Variants in TPCN1 observed in about 807,000 individuals in gnomAD.
The protein encoded by TPCN1 is two pore channel protein 1.
A neutral mutation model predicts 108.8 loss-of-function variants in TPCN1; 52 were observed. That is an observed-to-expected ratio of 0.48 (90% confidence interval 0.38 to 0.60). The LOEUF is 0.60. Among genes scored for constraint, TPCN1 ranks in the 20% least tolerant of loss-of-function variants. TPCN1 has a pLI of 0.00. For synonymous variants in TPCN1, 446 were observed against 433.7 expected, an observed-to-expected ratio of 1.03 and a Z score of -0.35; for missense variants, 806 against 1,072.8, an observed-to-expected ratio of 0.75 and a Z score of 3.47.
At position 113,266,088 on chromosome 12, in the gene TPCN1, TG is replaced by T; in HGVS notation, c.238-88del. ...TGGCCTGAATCTCTCCTCGCCTGCC[TG>T]GGGCCTTCCTTTCCTCCCCTGCCCG... On this transcript the variant is annotated intron_variant, in intron 3 of 27. Transcript: ENST00000335509. This position sits in a 1 kb window ranked among gnomAD's most constrained non-coding sequence, Gnocchi z 4.2. The T allele has an allele frequency of 7.2e-7, 1 of 1,396,802 alleles. No individual in the cohort carries two copies. Among genetic ancestry groups the T allele is most frequent in the Non-Finnish European group, 9.9e-7 (1 of 1,005,290 alleles). 86.5% of individuals were successfully genotyped at this position (1,396,802 alleles called of 1,614,324 possible).
Position 113,278,774 on chromosome 12 carries a change from C to T in TPCN1, c.1236C>T (p.Ala412=), listed in dbSNP as rs150353917. The T allele has an allele frequency of 5.1e-4, 819 of 1,613,888 alleles. 1 individual carries two copies. The highest frequency in any genetic ancestry group is 7.5e-4 in the Admixed American group (45 of 60,006). The change falls in exon 14 of 28, where the codon GCC becomes GCT. Residue 412 remains alanine, a splice_region_variant and synonymous_variant. Transcript: ENST00000335509. ...CTCTTGGTCCTGTTGTCTACCAGGC[C>T]AAGAAAAACAGAGAGCACTGGTTTG... ...IYEVAALKWK[A]KKNREHWFDE...
At position 113,288,530 on chromosome 12, in the gene TPCN1, A is replaced by C. The variant is rs1956165567; in HGVS notation, c.1707-228A>C. 6.7e-7 allele frequency: 1 copy of C among 1,487,610 alleles called. No homozygotes were observed. The highest frequency in any genetic ancestry group is 1.4e-5 in the African/African-American group (1 of 71,604). 92.2% of individuals were successfully genotyped at this position (1,487,610 alleles called of 1,614,324 possible). A position where few individuals can be genotyped will look rare whatever the true frequency, so the allele number is the denominator to read the frequency against. On this transcript the variant is annotated intron_variant, in intron 20 of 27. Coordinates refer to ENST00000335509, the MANE Select transcript of TPCN1 (RefSeq NM_017901.6). The surrounding 1 kb of genome is among the most constrained non-coding windows in gnomAD (Gnocchi z 4.8). ...ACCTGTGAGTCTACCTTCACAGGTAAGGGGTGAATCTCTGGGAAAGGGGCA... is the reference window on the plus strand; with the variant it reads ...ACCTGTGAGTCTACCTTCACAGGTACGGGGTGAATCTCTGGGAAAGGGGCA...
intron 2 of TPCN1, among the ~76,000 whole-genome samples, chr12:113,229,623 GGATTACAGGCGT>G (rs1225650501): frequency 1.3e-5 from 2 of 152,176 alleles, no homozygotes; most frequent in African/African-American, 4.8e-5. Flanking sequence ...CAAGTAGCTG[GGATTACAGGCGT>G]GAGCCACTAC....
chr12:113,297,492 AG>A lies in TPCN1; in HGVS notation c.*1419del, dbSNP rs1956466671. ...TCCTCTTCCCAGCCACAGAACGGGC[AG>A]GGTGGCACCCGACCCCAGGGGAGCA... On this transcript the variant is annotated 3_prime_UTR_variant, in exon 28 of 28. Transcript: ENST00000335509. The surrounding 1 kb of genome is among the most constrained non-coding windows in gnomAD (Gnocchi z 4.4). The A allele has an allele frequency of 6.5e-6, 1 of 152,674 alleles. No homozygotes were observed. The highest frequency in any genetic ancestry group is 2.4e-5 in the African/African-American group (1 of 41,416). The allele number at this position is 152,674 out of a possible 1,614,324, so 9.5% of individuals were successfully genotyped here. A position where few individuals can be genotyped will look rare whatever the true frequency, so the allele number is the denominator to read the frequency against.
In TPCN1 at chr12:113,268,790, C is replaced by A; in HGVS notation, c.577C>A (p.Arg193=). The A allele has an allele frequency of 6.2e-7, 1 of 1,614,042 alleles. No homozygotes were observed. The highest frequency in any genetic ancestry group is 1.7e-4 in the Middle Eastern group (1 of 6,010). ...QFVEAIVVLV[R]QMSHVRVTRA... is the part of the protein sequence containing the mutation. ...TGTCGAGGCCATCGTGGTGTTGGTA[C>A]GGCAGATGTCCCATGTGCGGGTGAC... The change falls in exon 6 of 28, where the codon CGG becomes AGG. Residue 193 remains arginine, a synonymous_variant. Transcript: ENST00000335509. This position sits in a 1 kb window ranked among gnomAD's most constrained non-coding sequence, Gnocchi z 7.3.
rs1954984915 is a variant in TPCN1, at chr12:113,260,405, C to G, written c.150C>G (p.Pro50=). The change falls in exon 3 of 28, where the codon CCC becomes CCG. Residue 50 remains proline (P), a synonymous_variant. Coordinates refer to ENST00000335509, the MANE Select transcript of TPCN1 (RefSeq NM_017901.6). The part of the protein sequence containing the change: ...GSYAIHDSQA[P]SLSSGGESSP... ...ATGCCATCCACGACTCCCAGGCCCC[C>G]AGTCTCAGCTCTGGGGGTGAGAGTT... 1 of 1,523,908 alleles carries G rather than the reference C, an allele frequency of 6.6e-7. No homozygotes were observed. The highest frequency in any genetic ancestry group is 1.4e-5 in the African/African-American group (1 of 68,970). The allele number at this position is 1,523,908 out of a possible 1,614,324, so 94.4% of individuals were successfully genotyped here.
chr12:113,287,768 C>T (rs955530220), intron 19 of TPCN1, among the ~76,000 whole-genome samples: 2 of 152,048 alleles, frequency 1.3e-5, no homozygotes, highest in Admixed American at 6.5e-5. Flanking sequence ...TGTCCGCCTC[C>T]GTCCCGCCCC....
In TPCN1 at chr12:113,295,959, G is replaced by A. The variant is rs750093073; in HGVS notation, c.2335-1G>A. The A allele has an allele frequency of 6.3e-7, 1 of 1,598,014 alleles. No homozygotes were observed. Among genetic ancestry groups the A allele is most frequent in the South Asian group, 1.1e-5 (1 of 89,518 alleles). ...AGCACCCCTTCTGCTCTCTTCTCCAGGAGTGGTATGAGGAGCATGCCAGGG... is the reference window on the plus strand; with the variant it reads ...AGCACCCCTTCTGCTCTCTTCTCCAAGAGTGGTATGAGGAGCATGCCAGGG... On this transcript the variant is annotated splice_acceptor_variant, in intron 27 of 27. Coordinates refer to ENST00000335509, the MANE Select transcript of TPCN1 (RefSeq NM_017901.6). LOFTEE classifies it high-confidence loss of function.
In TPCN1 at chr12:113,287,065, C is replaced by T. The variant is rs142475172; in HGVS notation, c.1605C>T (p.Ile535=). Residue 535 remains isoleucine (I), a synonymous_variant, in exon 19 of 28, where the codon ATC becomes ATT. Coordinates refer to ENST00000335509, the MANE Select transcript of TPCN1 (RefSeq NM_017901.6). Reference sequence around the variant, plus strand: ...TCAACATGGAGCCCTTCTATTTCATCGTGGTCCTGCGCCCCCTCCAGCTGC... The same window carrying T: ...TCAACATGGAGCCCTTCTATTTCATTGTGGTCCTGCGCCCCCTCCAGCTGC... The part of the protein sequence containing the change: ...LALNMEPFYF[I]VVLRPLQLLR... 2.4e-4 allele frequency: 391 copies of T among 1,613,762 alleles called. 2 individuals are homozygous for T. In the East Asian group the frequency reaches 7.8e-3, roughly 32 times the overall value.
intron 2 of TPCN1, among the ~76,000 whole-genome samples, chr12:113,241,188 G>T (rs947594421): frequency 5.3e-5 from 8 of 152,254 alleles, no homozygotes. Flanking sequence ...AGCAGTGCCT[G>T]GCCATTGACT....
chr12:113,286,231 T>G (rs1045179011), intron 18 of TPCN1, among the ~76,000 whole-genome samples: 4 of 152,102 alleles, frequency 2.6e-5, no homozygotes, highest in African/African-American at 9.7e-5. Flanking sequence ...TCTTCCTGAC[T>G]CATTAAACTT....
chr12:113,226,148 T>C (rs981930944), intron 1 of TPCN1, among the ~76,000 whole-genome samples: 1 of 151,904 alleles, frequency 6.6e-6, no homozygotes, highest in Non-Finnish European at 1.5e-5. Flanking sequence ...CTCAAATTCC[T>C]GGCCTTAATT....
Position 113,288,144 on chromosome 12 carries a change from G to GGGT in TPCN1, c.1635-17_1635-15dup. ...GCGTGCACCTGTGTGTGGAGGTGAC[G>GGGT]GGTGTCCTCCTCGCTCAGGTTGTTT... On this transcript the variant is annotated intron_variant, in intron 19 of 27. Transcript: ENST00000335509. This position sits in a 1 kb window ranked among gnomAD's most constrained non-coding sequence, Gnocchi z 4.8. 1 of 1,606,976 alleles carries GGGT rather than the reference G, an allele frequency of 6.2e-7. No individual in the cohort carries two copies. Among genetic ancestry groups the GGGT allele is most frequent in the Non-Finnish European group, 8.5e-7 (1 of 1,175,106 alleles).
chr12:113,292,857 G>T (rs1211425245), intron 25 of TPCN1, 77 bp from the exon 26 acceptor site: 2 of 1,532,224 alleles, frequency 1.3e-6, no homozygotes, highest in Admixed American at 3.7e-5. Context: ...GCGGAAGGGG[G>T]CAAGGAGGTA....
intron 25 of TPCN1, 133 bp from the exon 26 acceptor site, chr12:113,292,801 G>A (rs973502922): frequency 8.8e-6 from 9 of 1,019,942 alleles, no homozygotes; most frequent in South Asian, 4.9e-5. Context: ...AGGAGAGCAG[G>A]ACACCAATGC....
At chr12:113,279,368 TATATATATATATATATA>T (rs1955794447) in intron 14 of TPCN1, among the ~76,000 whole-genome samples, 1 of 23,794 alleles carries the variant, frequency 4.2e-5, no homozygotes, top group African/African-American at 2.0e-4. Flanking sequence ...TGTATATATA[TATATATATATATATATA>T]TATATATTTT....
chr12:113,263,557 G>A (rs562408679), intron 3 of TPCN1, among the ~76,000 whole-genome samples: 3 of 152,342 alleles, frequency 2.0e-5, no homozygotes, highest in South Asian at 2.1e-4. Flanking sequence ...CTCTGTGCCC[G>A]GCTCAAGATG....
At chr12:113,285,521 C>T (rs1319233304) in intron 17 of TPCN1, among the ~76,000 whole-genome samples, 1 of 152,202 alleles carries the variant, frequency 6.6e-6, no homozygotes, top group African/African-American at 2.4e-5. Context: ...TACAGGCACA[C>T]AGCGCCACAA....
chr12:113,292,043 CCA>C, intron 25 of TPCN1, 85 bp downstream of exon 25: 1 of 1,170,642 alleles, frequency 8.5e-7, no homozygotes, highest in Non-Finnish European at 1.3e-6. Context: ...GTCCAGCCAG[CCA>C]TCAGGCTGTC....
Sources: allele counts gnomAD v4.1 joint callset (sites outside exome capture counted in the v4.1 genomes callset), GRCh38; gene constraint gnomAD v4.1.1; non-coding constraint Gnocchi (gnomAD v3.1); transcripts MANE v1.5; gene names NCBI Gene and HGNC (gene_info 2026-07-23, HGNC 2026-07-21).